CLSTN2: variants seen among roughly 807,000 people sequenced by gnomAD.
The protein encoded by CLSTN2 is calsyntenin 2.
A neutral mutation model predicts 101.2 loss-of-function variants in CLSTN2; 48 were observed. That is an observed-to-expected ratio of 0.47 (90% CI 0.38 to 0.60). The LOEUF (loss-of-function observed/expected upper bound fraction) is 0.60, where lower values mean the gene tolerates loss of function less well. Ranked by LOEUF, CLSTN2 falls within the 20% of genes least tolerant of loss-of-function variation. The pLI, the probability that CLSTN2 is intolerant of heterozygous loss-of-function variation, is 0.00. For synonymous variants in CLSTN2, 481 were observed against 463.6 expected (o/e 1.04, Z -0.48); for missense variants, 1,160 against 1,238.2 (o/e 0.94, Z 0.95).
At chr3:140,175,085 T>G (rs373223447) in intron 1 of CLSTN2, among the ~76,000 whole-genome samples, 3 of 152,226 alleles carry the variant, frequency 2.0e-5, no homozygotes, top group East Asian at 3.9e-4. Flanking sequence ...TTTATACGAG[T>G]ACACTAATCA....
intron 1 of CLSTN2, among the ~76,000 whole-genome samples, chr3:139,985,591 T>C (rs952575586): frequency 1.3e-5 from 2 of 152,160 alleles, no homozygotes; most frequent in Non-Finnish European, 2.9e-5. Context: ...ACGTGCATTG[T>C]TTTTCCTAAA....
intron 2 of CLSTN2, among the ~76,000 whole-genome samples, chr3:140,390,090 TA>T (rs5852981): frequency 4.8e-5 from 7 of 147,350 alleles, no homozygotes; most frequent in African/African-American, 1.2e-4. Flanking sequence ...AAAGGTTTCT[TA>T]AAAAAAAAAA....
intron 2 of CLSTN2, among the ~76,000 whole-genome samples, chr3:140,378,864 AC>A (rs2087948409): frequency 6.6e-6 from 1 of 152,244 alleles, no homozygotes; most frequent in South Asian, 2.1e-4. Context: ...TGTGTGAAAC[AC>A]CACATCTAGT....
Position 140,574,525 on chromosome 3 carries a change from T to C in CLSTN2, c.*8272T>C, listed in dbSNP as rs1985670956. The C allele has an allele frequency of 6.6e-6, 1 of 152,210 alleles. No individual in the cohort carries two copies. Among genetic ancestry groups the C allele is most frequent in the Non-Finnish European group, 1.5e-5 (1 of 68,048 alleles). The allele number at this position is 152,210 out of a possible 1,614,324, so 9.4% of individuals were successfully genotyped here. A position where few individuals can be genotyped will look rare whatever the true frequency, so the allele number is the denominator to read the frequency against. ...TTCATCAGATTTACTGCAGAGCAGA[T>C]TCATCAACATGAAGTTCAATTCCCA... is the stretch of plus-strand genomic sequence containing the variant. On this transcript the variant is annotated 3_prime_UTR_variant, in exon 17 of 17. Coordinates refer to ENST00000458420, the MANE Select transcript of CLSTN2 (RefSeq NM_022131.3).
At chr3:140,179,620 CAAAAAAAAAAAAAAAA>C (rs57433306) in intron 2 of CLSTN2, among the ~76,000 whole-genome samples, 1 of 37,458 alleles carries the variant, frequency 2.7e-5, no homozygotes, top group South Asian at 2.2e-3. Context: ...GACCCTATCT[CAAAAAAAAAAAAAAAA>C]AAAAAAAAAA....
intron 2 of CLSTN2, among the ~76,000 whole-genome samples, chr3:140,253,498 C>T (rs1004741923): frequency 6.6e-6 from 1 of 152,098 alleles, no homozygotes; most frequent in Non-Finnish European, 1.5e-5. Context: ...TTTTATAATC[C>T]ACTTTAAAAA....
At chr3:140,287,913 T>G (rs966098590) in intron 2 of CLSTN2, among the ~76,000 whole-genome samples, 2 of 152,164 alleles carry the variant, frequency 1.3e-5, no homozygotes, top group Non-Finnish European at 2.9e-5. Context: ...GAGAGAGAGA[T>G]AAACTGATGA....
At chr3:140,181,657 T>C (rs962376243) in intron 2 of CLSTN2, among the ~76,000 whole-genome samples, 1 of 152,226 alleles carries the variant, frequency 6.6e-6, no homozygotes, top group Non-Finnish European at 1.5e-5. Context: ...TGGAATAATC[T>C]ATTAGTTGAA....
At chr3:140,558,200 T>C (rs1259285459) in intron 11 of CLSTN2, among the ~76,000 whole-genome samples, 1 of 152,332 alleles carries the variant, frequency 6.6e-6, no homozygotes. Flanking sequence ...CACACGTGTG[T>C]GATATCCACA....
At chr3:140,143,548 C>A (rs1293075513) in intron 1 of CLSTN2, among the ~76,000 whole-genome samples, 2 of 152,194 alleles carry the variant, frequency 1.3e-5, no homozygotes, top group African/African-American at 2.4e-5. Flanking sequence ...CTCACAGATA[C>A]ACCCAGAAAT....
At chr3:140,077,297 T>C (rs1225549963) in intron 1 of CLSTN2, among the ~76,000 whole-genome samples, 1 of 152,166 alleles carries the variant, frequency 6.6e-6, no homozygotes, top group Non-Finnish European at 1.5e-5. Context: ...ACCTCTTCCT[T>C]TGTTCTTTGC....
intron 2 of CLSTN2, among the ~76,000 whole-genome samples, chr3:140,400,767 C>T (rs1381822592): frequency 6.6e-6 from 1 of 152,130 alleles, no homozygotes; most frequent in Non-Finnish European, 1.5e-5. Context: ...GAGCACAGGA[C>T]CCTGGGTGGC....
chr3:140,307,116 T>C (rs968760127), intron 2 of CLSTN2, among the ~76,000 whole-genome samples: 1 of 152,114 alleles, frequency 6.6e-6, no homozygotes, highest in African/African-American at 2.4e-5. Flanking sequence ...CCTGCTGCCA[T>C]CCATGTAAGA....
chr3:140,495,454 C>T (rs893230882), intron 8 of CLSTN2, among the ~76,000 whole-genome samples: 11 of 152,138 alleles, frequency 7.2e-5, no homozygotes, highest in African/African-American at 2.7e-4. Context: ...TGTGCAGAAG[C>T]TCTTTAGTTT....
intron 4 of CLSTN2, among the ~76,000 whole-genome samples, chr3:140,419,822 T>C (rs372650504): frequency 0.018 from 1,635 of 88,676 alleles, 435 homozygotes; most frequent in Non-Finnish European, 0.024. Flanking sequence ...TACGTATATA[T>C]ACGTATATGT....
intron 7 of CLSTN2, chr3:140,460,942 T>C (rs544390666): frequency 5.3e-5 from 8 of 152,190 alleles, no homozygotes; most frequent in South Asian, 2.1e-4. Flanking sequence ...GCATGATCTT[T>C]GAGGAGTTGC....
At chr3:140,363,301 A>G (rs2087748985) in intron 2 of CLSTN2, among the ~76,000 whole-genome samples, 1 of 152,186 alleles carries the variant, frequency 6.6e-6, no homozygotes, top group Non-Finnish European at 1.5e-5. Flanking sequence ...GAGAAAGCAA[A>G]TCTGTCTCAG....
At chr3:140,266,161 A>G (rs1379368028) in intron 2 of CLSTN2, among the ~76,000 whole-genome samples, 2 of 151,914 alleles carry the variant, frequency 1.3e-5, no homozygotes, top group Non-Finnish European at 2.9e-5. Flanking sequence ...GTATTGGCAC[A>G]CCCCCCATTA....
chr3:140,379,186 C>T (rs1490546841), intron 2 of CLSTN2, among the ~76,000 whole-genome samples: 1 of 152,198 alleles, frequency 6.6e-6, no homozygotes, highest in Non-Finnish European at 1.5e-5. Context: ...CCTTTAGTTG[C>T]TGCTGAGTGT....
Sources: gnomAD v4.1 joint callset for allele counts (sites outside exome capture counted in the v4.1 genomes callset) on GRCh38, gnomAD v4.1.1 for gene constraint, MANE v1.5 for transcripts, NCBI Gene and HGNC (gene_info 2026-07-23, HGNC 2026-07-21) for gene names.